The following CHRM3 variants were observed in gnomAD, a reference collection of about 807,000 sequenced individuals.
The protein encoded by CHRM3 is cholinergic receptor muscarinic 3, also known as muscarinic acetylcholine receptor M3.
CHRM3 carries 11 observed loss-of-function variants against 41.8 expected under a neutral mutation model. The observed-to-expected ratio is 0.26, with a 90% CI of 0.17 to 0.44. CHRM3 has a LOEUF of 0.44. Among genes scored for constraint, CHRM3 ranks in the 20% least tolerant of loss-of-function variants. The pLI is 1.00. For missense variants in CHRM3, 571 were observed against 745.4 expected (o/e 0.77, Z 2.72); for synonymous variants, 297 against 301.4 (o/e 0.99, Z 0.15).
Position 239,618,021 on chromosome 1 carries a change from G to A in CHRM3, c.-312-14203G>A, listed in dbSNP as rs530518269. ...CATTCATCAGTCTTCTCTGCCTGCC[G>A]TTGTTACGTTTCCTTTTTTCTTTTT... is the stretch of plus-strand genomic sequence containing the variant. On this transcript the variant is annotated intron_variant, in intron 3 of 6. Coordinates refer to ENST00000676153, the MANE Select transcript of CHRM3 (RefSeq NM_001375978.1). Among the ~76,000 whole-genome samples, 13 of 152,118 alleles carry A rather than the reference G, an allele frequency of 8.5e-5. No homozygotes were observed. In the South Asian group the frequency reaches 1.7e-3, roughly 19 times the overall value.
intron 1 of CHRM3, among the ~76,000 whole-genome samples, chr1:239,435,310 T>C (rs113330470): frequency 0.017 from 2,582 of 151,066 alleles, 45 homozygotes; most frequent in Non-Finnish European, 0.026. Context: ...ATCAGCCGGG[T>C]GTGGTGGCGG....
At chr1:239,710,857 A>C (rs2148214235) in intron 5 of CHRM3, among the ~76,000 whole-genome samples, 1 of 152,046 alleles carries the variant, frequency 6.6e-6, no homozygotes, top group Non-Finnish European at 1.5e-5. Flanking sequence ...ACCGCAAACA[A>C]CCTGCCGTGT....
intron 5 of CHRM3, among the ~76,000 whole-genome samples, chr1:239,766,672 T>TATATAGATATAG (rs71166890): frequency 0.093 from 13,515 of 145,548 alleles, 770 homozygotes; most frequent in East Asian, 0.23. Context: ...TGGATATAGA[T>TATATAGATATAG]ATATAGATAT....
chr1:239,766,577 T>A (rs480000), intron 5 of CHRM3, among the ~76,000 whole-genome samples: 111,594 of 151,794 alleles, frequency 0.74, 41,398 homozygotes, highest in African/African-American at 0.77. Context: ...CATTCAAAGC[T>A]TTTGTGGATA....
chr1:239,494,791 G>A (rs866195276), intron 2 of CHRM3, among the ~76,000 whole-genome samples: 9 of 152,050 alleles, frequency 5.9e-5, no homozygotes, highest in South Asian at 2.1e-4. Context: ...AAGTGAGAAC[G>A]TGTATGTTTG....
chr1:239,604,003 C>A (rs1389907263), intron 3 of CHRM3, among the ~76,000 whole-genome samples: 4 of 151,916 alleles, frequency 2.6e-5, no homozygotes, highest in Non-Finnish European at 5.9e-5. Context: ...ATGAAATGCT[C>A]AGTAATATAT....
chr1:239,475,788 T>G (rs1025416769), intron 1 of CHRM3, among the ~76,000 whole-genome samples: 1 of 152,166 alleles, frequency 6.6e-6, no homozygotes, highest in Non-Finnish European at 1.5e-5. Flanking sequence ...ATTAAAATTA[T>G]TTATGTTATT....
At chr1:239,580,704 T>TATATATATATATATATATATAC (rs570878631) in intron 3 of CHRM3, among the ~76,000 whole-genome samples, 2 of 131,082 alleles carry the variant, frequency 1.5e-5, no homozygotes, top group African/African-American at 5.7e-5. Flanking sequence ...TATATATATA[T>TATATATATATATATATATATAC]ACACACACAC....
At chr1:239,525,455 CT>C (rs35598896) in intron 2 of CHRM3, among the ~76,000 whole-genome samples, 2 of 149,476 alleles carry the variant, frequency 1.3e-5, no homozygotes, top group African/African-American at 5.0e-5. Context: ...CTTTTTGTTT[CT>C]TTTTTTTAAA....
chr1:239,640,292 G>T (rs1417826845), intron 4 of CHRM3, among the ~76,000 whole-genome samples: 1 of 152,142 alleles, frequency 6.6e-6, no homozygotes, highest in Non-Finnish European at 1.5e-5. Context: ...AATGAGTTAG[G>T]GAGGATTCTC....
intron 5 of CHRM3, among the ~76,000 whole-genome samples, chr1:239,788,942 T>A (rs1030211402): frequency 6.6e-6 from 1 of 152,258 alleles, no homozygotes; most frequent in Non-Finnish European, 1.5e-5. Flanking sequence ...AACTATTATA[T>A]AACTTACAAA....
At chr1:239,546,013 T>C (rs1188683934) in intron 3 of CHRM3, 2 of 152,170 alleles carry the variant, frequency 1.3e-5, no homozygotes, top group African/African-American at 4.8e-5. Context: ...TCTTCCCTCT[T>C]TTTTAACTGA....
In CHRM3 at chr1:239,445,690, AG is replaced by A. The variant is rs754149035; in HGVS notation, c.-520-47018del. On this transcript the variant is annotated intron_variant, in intron 1 of 6. Transcript: ENST00000676153. ...AACTAATGTTTATAAAAGTGGTTAG[AG>A]CCCTGTTTCAAGAATAGTGCTTAAT... 8.5e-5 allele frequency among the ~76,000 whole-genome samples: 13 copies of A among 152,322 alleles called. No homozygotes were observed. In the East Asian group the frequency reaches 2.1e-3, roughly 25 times the overall value.
intron 5 of CHRM3, among the ~76,000 whole-genome samples, chr1:239,681,032 G>A (rs1338818568): frequency 2.6e-5 from 4 of 152,070 alleles, no homozygotes; most frequent in Non-Finnish European, 5.9e-5. Context: ...TGAGGAGGAA[G>A]CAAAAGCAGA....
chr1:239,705,562 C>T (rs1047795539), intron 5 of CHRM3: 1 of 152,092 alleles, frequency 6.6e-6, no homozygotes, highest in Admixed American at 6.6e-5. Flanking sequence ...TCTCTGCCTT[C>T]GTCTTCATAT....
rs1044784256 is a variant in CHRM3, at chr1:239,913,591, A to C, written c.*4367A>C. 6.0e-6 allele frequency: 1 copy of C among 167,066 alleles called. No individual in the cohort carries two copies. Among genetic ancestry groups the C allele is most frequent in the South Asian group, 2.1e-4 (1 of 4,836 alleles). 10.3% of individuals were successfully genotyped at this position (167,066 alleles called of 1,614,324 possible). A position where few individuals can be genotyped will look rare whatever the true frequency, so the allele number is the denominator to read the frequency against. ...TGAGTCAACATTGCAGACCTGAGAA[A>C]GGTTTCTAGAATGGTAACCCAATGT... On this transcript the variant is annotated 3_prime_UTR_variant, in exon 7 of 7. Coordinates refer to ENST00000676153, the MANE Select transcript of CHRM3 (RefSeq NM_001375978.1).
intron 5 of CHRM3, among the ~76,000 whole-genome samples, chr1:239,689,012 G>T (rs148020518): frequency 2.0e-5 from 3 of 150,424 alleles, no homozygotes; most frequent in African/African-American, 4.9e-5. Flanking sequence ...ACTTTGGCTT[G>T]CAGTATTATG....
intron 1 of CHRM3, among the ~76,000 whole-genome samples, chr1:239,484,295 A>C (rs1361651638): frequency 6.6e-6 from 1 of 152,126 alleles, no homozygotes; most frequent in Non-Finnish European, 1.5e-5. Flanking sequence ...GGAGCAAGAG[A>C]GAGAGGAGGT....
chr1:239,835,922 A>G (rs1179256666), intron 6 of CHRM3, among the ~76,000 whole-genome samples: 4 of 152,268 alleles, frequency 2.6e-5, no homozygotes, highest in African/African-American at 4.8e-5. Flanking sequence ...CAAGCTAATA[A>G]GTGTCAAGGA....
Sources: gnomAD v4.1 joint callset for allele counts (sites outside exome capture counted in the v4.1 genomes callset) on GRCh38, gnomAD v4.1.1 for gene constraint, MANE v1.5 for transcripts, NCBI Gene and HGNC (gene_info 2026-07-23, HGNC 2026-07-21) for gene names.